The following CXADR variants were observed in gnomAD, a reference collection of about 807,000 sequenced individuals.
CXADR encodes coxsackievirus and adenovirus receptor.
CXADR carries 20 observed loss-of-function variants against 40.3 expected under a neutral mutation model. The observed-to-expected ratio is 0.50, with a 90% confidence interval of 0.35 to 0.72. The LOEUF (loss-of-function observed/expected upper bound fraction) is 0.72. CXADR is among the 30% of genes least tolerant of loss of function. The probability of loss-of-function intolerance (pLI) is 0.01; values close to 1 mark genes in which losing one functional copy is unlikely to be tolerated. For synonymous variants in CXADR, 150 were observed against 161.3 expected (o/e 0.93, Z 0.53); for missense variants, 332 against 449.1 (o/e 0.74, Z 2.36).
At position 17,577,750 on chromosome 21, in the gene CXADR, C is replaced by T. The variant is rs1168235478; in HGVS notation, c.1017+12139C>T. Among the ~76,000 whole-genome samples, 3 of 149,360 alleles carry T rather than the reference C, an allele frequency of 2.0e-5. No homozygotes were observed. The Admixed American group carries it at 2.0e-4, about 10-fold the overall frequency. On this transcript the variant is annotated intron_variant, in intron 7 of 7. Coordinates refer to the CXADR transcript ENST00000400169. ...GTGGTAAACACATTTAACATGAGAACTTAATCATCTTGCATAATTAAAACT... is the reference window on the plus strand; with the variant it reads ...GTGGTAAACACATTTAACATGAGAATTTAATCATCTTGCATAATTAAAACT...
At chr21:17,546,503 C>T (rs1349345869) in intron 1 of CXADR, among the ~76,000 whole-genome samples, 2 of 152,168 alleles carry the variant, frequency 1.3e-5, no homozygotes, top group African/African-American at 4.8e-5. Flanking sequence ...GCACGTCCCA[C>T]GTGGCCAGAG....
At chr21:17,593,926 C>T (rs1296479967), downstream of CXADR, 1 of 869,568 alleles carries the variant, frequency 1.2e-6, no homozygotes, top group East Asian at 2.8e-5. Flanking sequence ...ATCTAAAGTG[C>T]ATATATTTTT....
the CXADR span, among the ~76,000 whole-genome samples, chr21:17,620,465 T>A: frequency 6.6e-6 from 1 of 152,224 alleles, no homozygotes; most frequent in Non-Finnish European, 1.5e-5. Context: ...CAAAGATCAC[T>A]GATCACAAAT....
the CXADR span, among the ~76,000 whole-genome samples, chr21:17,620,877 G>A: frequency 6.6e-6 from 1 of 152,164 alleles, no homozygotes; most frequent in Non-Finnish European, 1.5e-5. Context: ...AACTGTGGGA[G>A]CTAGCAAGTT....
chr21:17,567,071 G>C lies in CXADR; in HGVS notation c.*1379G>C, dbSNP rs2061219322. On this transcript the variant is annotated 3_prime_UTR_variant, in exon 7 of 7. Transcript: ENST00000284878. ...AGTGGGTTTATTGTATTTCCCTTAA[G>C]ATTGTGAGGGAGTGTGGATACAGTA... The C allele has an allele frequency of 1.4e-5, 14 of 980,600 alleles. No individual in the cohort carries two copies. The highest frequency in any genetic ancestry group is 1.7e-5 in the Non-Finnish European group (14 of 825,604). 60.7% of individuals were successfully genotyped at this position (980,600 alleles called of 1,614,324 possible). A position where few individuals can be genotyped will look rare whatever the true frequency, so the allele number is the denominator to read the frequency against.
At position 17,533,893 on chromosome 21, in the gene CXADR, G is replaced by A. The variant is rs957192669; in HGVS notation, c.44-13134G>A. On this transcript the variant is annotated intron_variant, in intron 1 of 6. Coordinates refer to ENST00000284878, the MANE Select transcript of CXADR (RefSeq NM_001338.5). ...TTGCTGTATTAATTTCCTTAGCTCTGAGTACATATTAACAGTCTATACTGA... is the reference window on the plus strand; with the variant it reads ...TTGCTGTATTAATTTCCTTAGCTCTAAGTACATATTAACAGTCTATACTGA... Among the ~76,000 whole-genome samples the A allele has an allele frequency of 2.7e-5, 4 of 150,788 alleles. No homozygotes were observed. The Admixed American group carries it at 2.7e-4, about 10-fold the overall frequency.
chr21:17,530,674 C>T (rs1453719411), intron 1 of CXADR, among the ~76,000 whole-genome samples: 4 of 152,024 alleles, frequency 2.6e-5, no homozygotes, highest in African/African-American at 7.2e-5. Flanking sequence ...ATTAGCCGGG[C>T]GTGGTAATGC....
chr21:17,546,455 G>A (rs2060897798), intron 1 of CXADR, among the ~76,000 whole-genome samples: 1 of 152,242 alleles, frequency 6.6e-6, no homozygotes, highest in Admixed American at 6.5e-5. Flanking sequence ...GAGGCCTCAG[G>A]AAACTTACAA....
the CXADR span, among the ~76,000 whole-genome samples, chr21:17,599,387 T>C: frequency 2.6e-5 from 4 of 151,976 alleles, no homozygotes; most frequent in African/African-American, 9.7e-5. Context: ...ACCATGTTGC[T>C]GAGGCTGGTC....
chr21:17,630,645 T>C, the CXADR span, among the ~76,000 whole-genome samples: 1 of 88,590 alleles, frequency 1.1e-5, no homozygotes, highest in Non-Finnish European at 2.2e-5. Context: ...TCCTTCTTCC[T>C]TCTTCTTTTT....
At chr21:17,519,156 C>T (rs932910708) in intron 1 of CXADR, among the ~76,000 whole-genome samples, 2 of 152,240 alleles carry the variant, frequency 1.3e-5, no homozygotes, top group Admixed American at 6.5e-5. Context: ...TACATTGGCT[C>T]CTTACCCTGT....
At chr21:17,564,994 C>G (rs13052330) in intron 6 of CXADR, among the ~76,000 whole-genome samples, 33,063 of 152,108 alleles carry the variant, frequency 0.22, 3,642 homozygotes, top group African/African-American at 0.25. Flanking sequence ...CTCAGCTTCC[C>G]AAAGTGCTGG....
At chr21:17,539,013 TTGAATGAG>T (rs2060794802) in intron 1 of CXADR, among the ~76,000 whole-genome samples, 1 of 152,008 alleles carries the variant, frequency 6.6e-6, no homozygotes, top group African/African-American at 2.4e-5. Flanking sequence ...ATAGTATGCT[TTGAATGAG>T]TGAACGTTGA....
rs1049987904 is a variant in CXADR, at chr21:17,567,883, T to C, written c.*2191T>C. 12 of 971,260 alleles carry C rather than the reference T, an allele frequency of 1.2e-5. No homozygotes were observed. Among genetic ancestry groups the C allele is most frequent in the South Asian group, 4.8e-5 (1 of 20,962 alleles). 60.2% of individuals were successfully genotyped at this position (971,260 alleles called of 1,614,324 possible). A position where few individuals can be genotyped will look rare whatever the true frequency, so the allele number is the denominator to read the frequency against. On this transcript the variant is annotated 3_prime_UTR_variant, in exon 7 of 7. Coordinates refer to ENST00000284878, the MANE Select transcript of CXADR (RefSeq NM_001338.5). ...CTTCCTTTTTTTTTTTAATAACATA[T>C]GAGGAACAAGACTTCTCTTCCCATA... is the stretch of plus-strand genomic sequence containing the variant.
intron 1 of CXADR, among the ~76,000 whole-genome samples, chr21:17,519,356 A>T (rs1005020827): frequency 7.9e-5 from 12 of 152,190 alleles, no homozygotes; most frequent in African/African-American, 2.9e-4. Flanking sequence ...TGTGTGTATG[A>T]TAGAGCTCTC....
chr21:17,529,901 G>T (rs921331283), intron 1 of CXADR, among the ~76,000 whole-genome samples: 4 of 151,616 alleles, frequency 2.6e-5, no homozygotes, highest in Non-Finnish European at 4.4e-5. Context: ...CAGAAGCCCT[G>T]TCATGCCCCT....
At position 17,547,108 on chromosome 21, in the gene CXADR, A is replaced by G. The variant is rs1569110184; in HGVS notation, c.125A>G (p.Lys42Arg). The G allele has an allele frequency of 4.3e-6, 7 of 1,613,994 alleles. No homozygotes were observed. The East Asian group carries it at 8.9e-5, about 21-fold the overall frequency. ...GGGGAAACTGCCTATCTGCCATGCA[A>G]ATTTACGCTTAGTCCCGAAGACCAG... The part of the protein sequence containing the change: ...AKGETAYLPC[K>R]FTLSPEDQGP... Residue 42 changes from lysine (K) to arginine (R), a missense_variant, in exon 2 of 7, where the codon AAA becomes AGA. Lys to Arg is a conservative substitution (Grantham distance 26). Around this residue, in one of 3 missense-constraint regions of CXADR, gnomAD observed 162 missense variants for 198.5 expected, o/e 0.82. Transcript: ENST00000284878.
chr21:17,513,129 C>T lies in CXADR; in HGVS notation c.-1C>T. On this transcript the variant is annotated 5_prime_UTR_variant, in exon 1 of 7. Transcript: ENST00000284878. ...CCGCCGCCCACGGCACGGCAGCCAC[C>T]ATGGCGCTCCTGCTGTGCTTCGTGC... is the stretch of plus-strand genomic sequence containing the variant. 2 of 1,360,254 alleles carry T rather than the reference C, an allele frequency of 1.5e-6. No individual in the cohort carries two copies. The highest frequency in any genetic ancestry group is 1.9e-6 in the Non-Finnish European group (2 of 1,053,074). The allele number at this position is 1,360,254 out of a possible 1,614,324, so 84.3% of individuals were successfully genotyped here.
chr21:17,618,071 G>A, the CXADR span, among the ~76,000 whole-genome samples: 1 of 152,122 alleles, frequency 6.6e-6, no homozygotes, highest in African/African-American at 2.4e-5. Flanking sequence ...CCATTTTGTA[G>A]CCAGGCACCG....
Sources: allele counts gnomAD v4.1 joint callset (sites outside exome capture counted in the v4.1 genomes callset), GRCh38; gene constraint gnomAD v4.1.1; regional missense constraint gnomAD v4.1.1; transcripts MANE v1.5; gene names NCBI Gene and HGNC (gene_info 2026-07-23, HGNC 2026-07-21).